Variants in SOX5 observed in about 807,000 individuals in gnomAD.
SOX5 encodes transcription factor SOX-5.
A neutral mutation model predicts 92.0 loss-of-function variants in SOX5; 9 were observed. The observed-to-expected ratio is 0.10, with a 90% CI of 0.06 to 0.17. The LOEUF (loss-of-function observed/expected upper bound fraction) is 0.17, where lower values mean the gene tolerates loss of function less well. SOX5 is among the 10% of genes least tolerant of loss of function. SOX5 has a pLI of 1.00. For missense variants in SOX5, 642 were observed against 944.5 expected, an observed-to-expected ratio of 0.68 and a Z score of 4.20; for synonymous variants, 344 against 336.3, an observed-to-expected ratio of 1.02 and a Z score of -0.25.
At chr12:23,564,558 C>T (rs1327419447) in intron 10 of SOX5, among the ~76,000 whole-genome samples, 2 of 152,198 alleles carry the variant, frequency 1.3e-5, no homozygotes, top group Non-Finnish European at 1.5e-5. Context: ...CTTGCCTCAA[C>T]ATGTTCCATG....
intron 4 of SOX5, among the ~76,000 whole-genome samples, chr12:24,043,132 T>C (rs931680590): frequency 3.9e-5 from 6 of 152,180 alleles, no homozygotes; most frequent in Admixed American, 3.9e-4. Context: ...ATTGTCTCCA[T>C]AGACTTTCTG....
chr12:24,371,196 G>A (rs1171038468), intron 1 of SOX5, among the ~76,000 whole-genome samples: 1 of 152,220 alleles, frequency 6.6e-6, no homozygotes, highest in African/African-American at 2.4e-5. Flanking sequence ...AGAATAGAAA[G>A]TACACATGGC....
At chr12:24,263,425 G>C (rs958488812) in intron 3 of SOX5, among the ~76,000 whole-genome samples, 2 of 150,506 alleles carry the variant, frequency 1.3e-5, no homozygotes, top group African/African-American at 4.9e-5. Flanking sequence ...CTGCTCGGGA[G>C]GCTGAGGCAT....
At chr12:23,780,721 T>G (rs894317835) in intron 3 of SOX5, among the ~76,000 whole-genome samples, 14 of 152,154 alleles carry the variant, frequency 9.2e-5, no homozygotes, top group African/African-American at 3.1e-4. Context: ...TTTGATCACA[T>G]TTTGGAAGTC....
intron 1 of SOX5, among the ~76,000 whole-genome samples, chr12:23,940,816 C>A (rs189153931): frequency 4.8e-4 from 72 of 148,498 alleles, no homozygotes; most frequent in African/African-American, 1.7e-3. Flanking sequence ...TGCTTTAGAC[C>A]CTGAACACTC....
At position 24,295,302 on chromosome 12, in the gene SOX5, T is replaced by C. The variant is rs138328346; in HGVS notation, c.-173-17990A>G. ...ACTCTCGTGTACAACAAACTCACACTTCTCCTTCAATACCCTCTTGTTTAA... is the reference window on the plus strand; with the variant it reads ...ACTCTCGTGTACAACAAACTCACACCTCTCCTTCAATACCCTCTTGTTTAA... On this transcript the variant is annotated intron_variant, in intron 2 of 4. Coordinates refer to the SOX5 transcript ENST00000446891. 5.3e-5 allele frequency among the ~76,000 whole-genome samples: 8 copies of C among 152,294 alleles called. No individual in the cohort carries two copies. The East Asian group carries it at 1.5e-3, about 29-fold the overall frequency.
chr12:24,357,670 C>T (rs896313250), intron 2 of SOX5, among the ~76,000 whole-genome samples: 2 of 151,984 alleles, frequency 1.3e-5, no homozygotes, highest in East Asian at 1.9e-4. Flanking sequence ...CGGTGAAACT[C>T]CATTTCTACT....
intron 3 of SOX5, among the ~76,000 whole-genome samples, chr12:24,257,527 G>A (rs1432842574): frequency 6.6e-6 from 1 of 152,006 alleles, no homozygotes; most frequent in Non-Finnish European, 1.5e-5. Flanking sequence ...GGAGTGCAGT[G>A]GCGCAGTCTT....
At chr12:24,195,946 G>A (rs1374743819) in intron 4 of SOX5, among the ~76,000 whole-genome samples, 1 of 152,152 alleles carries the variant, frequency 6.6e-6, no homozygotes, top group East Asian at 1.9e-4. Context: ...GTGCAGTGGA[G>A]TTATCTTGGC....
intron 2 of SOX5, among the ~76,000 whole-genome samples, chr12:24,288,074 G>A (rs1305250498): frequency 1.3e-5 from 2 of 152,152 alleles, no homozygotes; most frequent in African/African-American, 4.8e-5. Context: ...ACAGAATATT[G>A]TTTTTACTTT....
At chr12:23,843,554 C>CCTTTTTTTTT (rs2096541716) in intron 3 of SOX5, among the ~76,000 whole-genome samples, 1 of 71,332 alleles carries the variant, frequency 1.4e-5, no homozygotes, top group East Asian at 6.2e-4. Context: ...GTCATTTCTC[C>CCTTTTTTTTT]TTTTTTTTTT....
At chr12:24,208,047 T>C (rs1263785852) in intron 4 of SOX5, among the ~76,000 whole-genome samples, 1 of 152,194 alleles carries the variant, frequency 6.6e-6, no homozygotes, top group Non-Finnish European at 1.5e-5. Flanking sequence ...TTATTTCCAT[T>C]ATTCAAAGTT....
intron 1 of SOX5, among the ~76,000 whole-genome samples, chr12:24,509,416 T>C (rs1949102135): frequency 6.6e-6 from 1 of 152,206 alleles, no homozygotes; most frequent in South Asian, 2.1e-4. Context: ...ATGAAGCTTC[T>C]ATGAACATAA....
At chr12:23,788,303 T>C (rs2095416098) in intron 3 of SOX5, among the ~76,000 whole-genome samples, 1 of 151,960 alleles carries the variant, frequency 6.6e-6, no homozygotes, top group African/African-American at 2.4e-5. Context: ...TCCAGAGCTG[T>C]AAGAGAAACA....
At chr12:24,520,945 A>G (rs1950211619) in intron 1 of SOX5, among the ~76,000 whole-genome samples, 2 of 152,254 alleles carry the variant, frequency 1.3e-5, no homozygotes, top group African/African-American at 4.8e-5. Context: ...TTCAACAGGA[A>G]GATATAACAA....
intron 2 of SOX5, among the ~76,000 whole-genome samples, chr12:23,875,817 A>T (rs143235826): frequency 2.0e-5 from 3 of 152,208 alleles, no homozygotes; most frequent in African/African-American, 7.2e-5. Context: ...TTCATAGAAG[A>T]TTTCCCCTTC....
upstream of SOX5, among the ~76,000 whole-genome samples, chr12:23,950,276 AC>A: frequency 6.6e-6 from 1 of 152,034 alleles, no homozygotes; most frequent in Non-Finnish European, 1.5e-5. Context: ...ACACACACAC[AC>A]ACACTCACAC....
chr12:23,977,784 C>A (rs773907925), intron 4 of SOX5, among the ~76,000 whole-genome samples: 5 of 129,914 alleles, frequency 3.8e-5, no homozygotes, highest in Non-Finnish European at 6.9e-5. Flanking sequence ...TAAATAAATG[C>A]CTTCCTTGTT....
intron 4 of SOX5, among the ~76,000 whole-genome samples, chr12:24,012,972 A>C (rs1017399069): frequency 1.3e-5 from 2 of 152,168 alleles, no homozygotes; most frequent in Non-Finnish European, 2.9e-5. Context: ...TCATTTGGTG[A>C]TCACTTCATT....
Sources: gnomAD v4.1 joint callset for allele counts (sites outside exome capture counted in the v4.1 genomes callset) on GRCh38, gnomAD v4.1.1 for gene constraint, MANE v1.5 for transcripts, NCBI Gene and HGNC (gene_info 2026-07-23, HGNC 2026-07-21) for gene names.